Variants in NCOA1 observed in about 807,000 individuals in gnomAD.
NCOA1 encodes the protein nuclear receptor coactivator 1.
Under a neutral mutation model 150.9 loss-of-function variants are expected in NCOA1, and 35 were observed. The observed-to-expected ratio is 0.23, with a 90% confidence interval of 0.18 to 0.31. The LOEUF (loss-of-function observed/expected upper bound fraction) is 0.31. Among genes scored for constraint, NCOA1 ranks in the 10% least tolerant of loss-of-function variants. The probability of loss-of-function intolerance (pLI) is 1.00; values close to 1 mark genes in which losing one functional copy is unlikely to be tolerated. For missense variants in NCOA1, 1,491 were observed against 1,749.3 expected (o/e 0.85, Z 2.63); for synonymous variants, 590 against 630.0 (o/e 0.94, Z 0.95).
chr2:24,663,951 AGTCCAGTTTACTCGT>A (rs1452025231), intron 5 of NCOA1, among the ~76,000 whole-genome samples: 1 of 152,198 alleles, frequency 6.6e-6, no homozygotes, highest in East Asian at 1.9e-4. Context: ...CCACGAAGAG[AGTCCAGTTTACTCGT>A]GTTGCAGTTT....
At chr2:24,567,870 A>G (rs1666578983) in intron 2 of NCOA1, among the ~76,000 whole-genome samples, 1 of 151,944 alleles carries the variant, frequency 6.6e-6, no homozygotes. Context: ...CCTCCTCCCC[A>G]GTAGCTGGGA....
intron 13 of NCOA1, among the ~76,000 whole-genome samples, chr2:24,709,181 A>T (rs761007101): frequency 6.6e-6 from 1 of 152,222 alleles, no homozygotes; most frequent in Non-Finnish European, 1.5e-5. Context: ...GATTTATAAG[A>T]TAATGCCATT....
In NCOA1 at chr2:24,658,950, T is replaced by C. The variant is rs946991914; in HGVS notation, c.89+184T>C. The C allele has an allele frequency of 7.1e-5, 41 of 577,862 alleles. 1 individual carries two copies. The highest frequency in any genetic ancestry group is 4.3e-5 in the South Asian group (2 of 46,948). 35.8% of individuals were successfully genotyped at this position (577,862 alleles called of 1,614,324 possible). A position where few individuals can be genotyped will look rare whatever the true frequency, so the allele number is the denominator to read the frequency against. On this transcript the variant is annotated intron_variant, in intron 5 of 22. Transcript: ENST00000348332. ...TTCTCCCTCAATCCAGCTTGCTTCCTCTTGATTTCCTTTAGTTAACACCTA... is the reference window on the plus strand; with the variant it reads ...TTCTCCCTCAATCCAGCTTGCTTCCCCTTGATTTCCTTTAGTTAACACCTA...
Position 24,495,468 on chromosome 2 carries a change from G to C in NCOA1, c.-396+3866G>C, listed in dbSNP as rs566095513. Among the ~76,000 whole-genome samples the C allele has an allele frequency of 8.5e-4, 130 of 152,220 alleles. 1 individual carries two copies. Among genetic ancestry groups the C allele is most frequent in the African/African-American group, 3.1e-3 (128 of 41,532 alleles). ...CTCACCCTCATCTTGGATATATTTT[G>C]TTCTTACCACTCCCCGAGAGTATGT... On this transcript the variant is annotated intron_variant, in intron 1 of 22. Transcript: ENST00000348332.
intron 1 of NCOA1, among the ~76,000 whole-genome samples, chr2:24,513,582 G>A (rs1260986495): frequency 6.6e-6 from 1 of 152,094 alleles, no homozygotes; most frequent in Non-Finnish European, 1.5e-5. Context: ...AGCTTGTAAG[G>A]AAAATGTGTG....
intron 3 of NCOA1, among the ~76,000 whole-genome samples, chr2:24,638,268 TA>T (rs1670032843): frequency 6.6e-6 from 1 of 150,714 alleles, no homozygotes; most frequent in African/African-American, 2.4e-5. Flanking sequence ...TTATTTCACT[TA>T]ATGTCTTCCA....
At chr2:24,579,018 G>T (rs1239455804) in intron 2 of NCOA1, among the ~76,000 whole-genome samples, 2 of 152,086 alleles carry the variant, frequency 1.3e-5, no homozygotes. Context: ...GAAAAGCTTG[G>T]CATGTGGTGG....
chr2:24,535,232 T>C (rs1039716865), intron 1 of NCOA1, among the ~76,000 whole-genome samples: 1 of 152,204 alleles, frequency 6.6e-6, no homozygotes, highest in Non-Finnish European at 1.5e-5. Flanking sequence ...TTGATCTTTG[T>C]TGGTTTAAAG....
chr2:24,635,577 G>C (rs181244752), intron 3 of NCOA1, among the ~76,000 whole-genome samples: 1 of 152,198 alleles, frequency 6.6e-6, no homozygotes, highest in Non-Finnish European at 1.5e-5. Context: ...ATTTTTGGGA[G>C]TGCCTTTTCT....
At chr2:24,702,018 A>G (rs1404200468) in intron 11 of NCOA1, among the ~76,000 whole-genome samples, 1 of 152,138 alleles carries the variant, frequency 6.6e-6, no homozygotes. Flanking sequence ...TCAAAAAAAG[A>G]AAAAAAATAT....
intron 1 of NCOA1, among the ~76,000 whole-genome samples, chr2:24,501,637 T>C (rs1285538090): frequency 2.0e-5 from 3 of 152,128 alleles, no homozygotes; most frequent in Non-Finnish European, 2.9e-5. Flanking sequence ...TTTTAAACCA[T>C]GAGATATGTG....
chr2:24,713,495 C>G (rs1252203481), intron 14 of NCOA1, among the ~76,000 whole-genome samples: 3 of 152,082 alleles, frequency 2.0e-5, no homozygotes, highest in Non-Finnish European at 2.9e-5. Context: ...TACAGTGAAT[C>G]AGGAATTTTC....
At chr2:24,724,928 TTG>T (rs1207470955) in intron 14 of NCOA1, among the ~76,000 whole-genome samples, 3 of 152,084 alleles carry the variant, frequency 2.0e-5, no homozygotes, top group African/African-American at 7.2e-5. Flanking sequence ...TTTTATTTTG[TTG>T]TGTTTTTCAG....
chr2:24,607,962 G>C (rs1045585953), intron 3 of NCOA1, among the ~76,000 whole-genome samples: 10 of 151,802 alleles, frequency 6.6e-5, no homozygotes, highest in Admixed American at 3.9e-4. Flanking sequence ...TTTAAGGCTG[G>C]ACAATCTTAT....
chr2:24,520,146 G>C (rs558089472), intron 1 of NCOA1, among the ~76,000 whole-genome samples: 6 of 152,180 alleles, frequency 3.9e-5, no homozygotes, highest in Non-Finnish European at 7.3e-5. Context: ...TCACATTATG[G>C]TGGGAATGTA....
intron 14 of NCOA1, among the ~76,000 whole-genome samples, chr2:24,720,828 A>G (rs545720994): frequency 3.9e-5 from 6 of 152,342 alleles, no homozygotes; most frequent in Admixed American, 3.9e-4. Context: ...ACTACTGTCT[A>G]CTAGAACCAG....
intron 14 of NCOA1, among the ~76,000 whole-genome samples, chr2:24,720,486 T>G (rs926906163): frequency 6.6e-6 from 1 of 152,176 alleles, no homozygotes; most frequent in African/African-American, 2.4e-5. Context: ...AGTGAAAGTA[T>G]GTAAATAGGC....
chr2:24,594,990 A>G (rs1486459916), intron 3 of NCOA1, among the ~76,000 whole-genome samples: 4 of 152,026 alleles, frequency 2.6e-5, no homozygotes, highest in African/African-American at 9.7e-5. Context: ...AATGGGCCAA[A>G]TGTTTGTTTA....
In NCOA1 at chr2:24,741,909, C is replaced by A. The variant is rs1046684212; in HGVS notation, c.3429C>A (p.Asn1143Lys). Residue 1143 changes from asparagine to lysine, a missense_variant, in exon 19 of 23, where the codon AAC (asparagine) becomes AAA (lysine). Asn to Lys is a moderately conservative substitution (Grantham distance 94, BLOSUM62 0). Transcript: ENST00000348332. ...TGAGGCAGCAAAGCTTTGGGAACAA[C>A]CTCCCTCCCTCATCTGGACTACCAG... ...MLMRQQSFGN[N>K]LPPSSGLPVQ... is the part of the protein sequence containing the mutation. 1.2e-6 allele frequency: 2 copies of A among 1,614,210 alleles called. No individual in the cohort carries two copies. Among genetic ancestry groups the A allele is most frequent in the Non-Finnish European group, 1.7e-6 (2 of 1,180,036 alleles).
Sources: allele counts gnomAD v4.1 joint callset (sites outside exome capture counted in the v4.1 genomes callset), GRCh38; gene constraint gnomAD v4.1.1; transcripts MANE v1.5; gene names NCBI Gene and HGNC (gene_info 2026-07-23, HGNC 2026-07-21).